The following GFRAL variants were observed in gnomAD, a reference collection of about 807,000 sequenced individuals.
GFRAL encodes the protein GDNF family receptor alpha-like.
GFRAL carries 36 observed loss-of-function variants against 45.4 expected under a neutral mutation model. The observed-to-expected ratio is 0.79, with a 90% confidence interval of 0.61 to 1.05. The LOEUF is 1.05. Among genes scored for constraint, GFRAL ranks in the 50% least tolerant of loss-of-function variants. The probability of loss-of-function intolerance (pLI) is 0.00; values close to 1 mark genes in which losing one functional copy is unlikely to be tolerated. For synonymous variants in GFRAL, 166 were observed against 154.1 expected (o/e 1.08, Z -0.57); for missense variants, 507 against 467.5 (o/e 1.08, Z -0.78).
chr6:55,388,115 C>T (rs547170230), intron 6 of GFRAL, among the ~76,000 whole-genome samples: 2 of 152,258 alleles, frequency 1.3e-5, no homozygotes, highest in South Asian at 4.1e-4. Flanking sequence ...ACTAAGCTTT[C>T]CCAAGCATCA....
At chr6:55,343,643 C>G (rs894186075) in intron 3 of GFRAL, among the ~76,000 whole-genome samples, 1 of 152,040 alleles carries the variant, frequency 6.6e-6, no homozygotes, top group African/African-American at 2.4e-5. Flanking sequence ...CAAACACATT[C>G]AAAAGCTAGC....
At chr6:55,388,230 C>CA (rs140891208) in intron 6 of GFRAL, among the ~76,000 whole-genome samples, 4 of 151,856 alleles carry the variant, frequency 2.6e-5, no homozygotes, top group Non-Finnish European at 5.9e-5. Flanking sequence ...TAGTGTCTTT[C>CA]AAAAAAAACT....
rs115936409 is a variant in GFRAL at position 55,353,851 on chromosome 6, A to G, written c.701+2268A>G. On this transcript the variant is annotated intron_variant, in intron 5 of 8. Coordinates refer to ENST00000340465, the MANE Select transcript of GFRAL (RefSeq NM_207410.2). Reference sequence around the variant, plus strand: ...CTGAAATCAATGAAATATGAAATCAATGAAATATCAAACACATGTGATTAC... The same window carrying G: ...CTGAAATCAATGAAATATGAAATCAGTGAAATATCAAACACATGTGATTAC... 4.5e-3 allele frequency among the ~76,000 whole-genome samples: 689 copies of G among 152,142 alleles called. 3 individuals carry two copies. The highest frequency in any genetic ancestry group is 7.0e-3 in the Non-Finnish European group (478 of 67,982).
chr6:55,354,824 C>T (rs1768165932), intron 5 of GFRAL, among the ~76,000 whole-genome samples: 1 of 151,914 alleles, frequency 6.6e-6, no homozygotes, highest in Non-Finnish European at 1.5e-5. Context: ...ATTTCTGTCC[C>T]TGTTCCAAAT....
chr6:55,369,702 A>C (rs1472774193), intron 6 of GFRAL, among the ~76,000 whole-genome samples: 2 of 152,216 alleles, frequency 1.3e-5, no homozygotes, highest in African/African-American at 4.8e-5. Context: ...ACTGAAAAAA[A>C]AACAGTTTGT....
chr6:55,338,983 C>T (rs114129625), intron 3 of GFRAL, among the ~76,000 whole-genome samples: 1,986 of 151,718 alleles, frequency 0.013, 22 homozygotes, highest in Non-Finnish European at 0.022. Context: ...GAATGGGAGG[C>T]AAAGAAAGAT....
Position 55,363,284 on chromosome 6 carries a change from A to G in GFRAL, c.952+4146A>G, listed in dbSNP as rs535714530. On this transcript the variant is annotated intron_variant, in intron 6 of 8. Coordinates refer to ENST00000340465, the MANE Select transcript of GFRAL (RefSeq NM_207410.2). ...TACATACATACTTTGAATACCTTGTATATACCCAAACATGTCTCCTTTACT... is the reference window on the plus strand; with the variant it reads ...TACATACATACTTTGAATACCTTGTGTATACCCAAACATGTCTCCTTTACT... Among the ~76,000 whole-genome samples the G allele has an allele frequency of 8.7e-4, 132 of 152,110 alleles. 1 individual carries two copies. Among genetic ancestry groups the G allele is most frequent in the Non-Finnish European group, 1.6e-3 (111 of 67,966 alleles).
chr6:55,332,653 G>A (rs2127349748), intron 2 of GFRAL, among the ~76,000 whole-genome samples: 1 of 151,966 alleles, frequency 6.6e-6, no homozygotes, highest in East Asian at 1.9e-4. Context: ...CAATTTCTTG[G>A]CCTCGTGATC....
chr6:55,333,377 C>T (rs1332035291), intron 2 of GFRAL, among the ~76,000 whole-genome samples: 1 of 152,020 alleles, frequency 6.6e-6, no homozygotes, highest in Non-Finnish European at 1.5e-5. Flanking sequence ...GAGCTACCTG[C>T]ACATATCTTT....
intron 6 of GFRAL, among the ~76,000 whole-genome samples, chr6:55,385,995 C>A (rs1168325089): frequency 6.6e-6 from 1 of 152,072 alleles, no homozygotes; most frequent in African/African-American, 2.4e-5. Context: ...GTGTATGTGG[C>A]CCCCTCTGGA....
intron 6 of GFRAL, among the ~76,000 whole-genome samples, chr6:55,373,214 A>G (rs945949260): frequency 2.6e-5 from 4 of 152,122 alleles, no homozygotes; most frequent in Admixed American, 2.6e-4. Flanking sequence ...GAGAACCTGA[A>G]TCAGATATCT....
intron 3 of GFRAL, 75 bp downstream of exon 3, chr6:55,334,019 T>A (rs1767862657): frequency 1.2e-6 from 1 of 824,262 alleles, no homozygotes; most frequent in African/African-American, 1.7e-5. Flanking sequence ...CACATCTATG[T>A]AATGTGATTA....
chr6:55,365,962 G>A (rs1430949249), intron 6 of GFRAL, among the ~76,000 whole-genome samples: 1 of 147,284 alleles, frequency 6.8e-6, no homozygotes, highest in Non-Finnish European at 1.5e-5. Context: ...CATAAAATGA[G>A]TTAGGGAGGA....
intron 4 of GFRAL, among the ~76,000 whole-genome samples, chr6:55,350,702 A>T (rs940680390): frequency 7.2e-5 from 11 of 151,980 alleles, no homozygotes; most frequent in African/African-American, 2.4e-4. Flanking sequence ...AACAAACAAA[A>T]ATCCAAATAG....
chr6:55,357,839 T>G (rs1228721110), intron 5 of GFRAL, among the ~76,000 whole-genome samples: 1 of 151,794 alleles, frequency 6.6e-6, no homozygotes, highest in Non-Finnish European at 1.5e-5. Context: ...TAAAACATAT[T>G]TAAAATGAAT....
intron 5 of GFRAL, among the ~76,000 whole-genome samples, chr6:55,355,247 GA>G (rs1430228076): frequency 5.9e-5 from 9 of 151,658 alleles, no homozygotes; most frequent in Admixed American, 5.9e-4. Context: ...CGAGGGGAGG[GA>G]ACTTAGAGGA....
At chr6:55,398,466 T>C (rs922021187) in intron 6 of GFRAL, among the ~76,000 whole-genome samples, 1 of 152,226 alleles carries the variant, frequency 6.6e-6, no homozygotes. Context: ...TTTAAAGTTA[T>C]TGATAAAAAT....
chr6:55,385,938 T>TA (rs1768676886), intron 6 of GFRAL, among the ~76,000 whole-genome samples: 1 of 152,084 alleles, frequency 6.6e-6, no homozygotes, highest in Non-Finnish European at 1.5e-5. Context: ...AGTCTTGGAT[T>TA]AGGTAACTGA....
Position 55,401,966 on chromosome 6 carries a change from G to GTTTCTT in GFRAL, c.*128_*133dup, listed in dbSNP as rs1342728198. On this transcript the variant is annotated 3_prime_UTR_variant, in exon 9 of 9. Transcript: ENST00000340465. ...TCTCCTCTCCTCCCCTCCCCTCTCT[G>GTTTCTT]TTTCTTTTTCTTTTTCTTTTCTTTT... is the stretch of plus-strand genomic sequence containing the variant. 8 of 625,468 alleles carry GTTTCTT rather than the reference G, an allele frequency of 1.3e-5. No individual in the cohort carries two copies. The highest frequency in any genetic ancestry group is 1.2e-4 in the East Asian group (4 of 32,332). The allele number at this position is 625,468 out of a possible 1,614,324, so 38.7% of individuals were successfully genotyped here. A position where few individuals can be genotyped will look rare whatever the true frequency, so the allele number is the denominator to read the frequency against.
Sources: gnomAD v4.1 joint callset for allele counts (sites outside exome capture counted in the v4.1 genomes callset) on GRCh38, gnomAD v4.1.1 for gene constraint, MANE v1.5 for transcripts, NCBI Gene and HGNC (gene_info 2026-07-23, HGNC 2026-07-21) for gene names.